COG5: variants seen among roughly 807,000 people sequenced by gnomAD.
COG5 encodes component of oligomeric golgi complex 5.
Under a neutral mutation model 110.4 loss-of-function variants are expected in COG5, and 86 were observed. That is an observed-to-expected ratio of 0.78 (90% CI 0.65 to 0.93). The LOEUF is 0.93. Ranked by LOEUF, COG5 falls within the 40% of genes least tolerant of loss-of-function variation. The pLI, the probability that COG5 is intolerant of heterozygous loss-of-function variation, is 0.00. For synonymous variants in COG5, 360 were observed against 334.6 expected, an observed-to-expected ratio of 1.08 and a Z score of -0.83; for missense variants, 1,077 against 987.0, an observed-to-expected ratio of 1.09 and a Z score of -1.22.
chr7:107,435,131 T>C (rs918172592), intron 6 of COG5, among the ~76,000 whole-genome samples: 1 of 152,054 alleles, frequency 6.6e-6, no homozygotes, highest in African/African-American at 2.4e-5. Flanking sequence ...GAAAGTAGAA[T>C]GGTGGTTGCC....
rs1486906596 is a variant in COG5, at chr7:107,203,335, ACT to A, written c.*179_*180del. On this transcript the variant is annotated 3_prime_UTR_variant, in exon 22 of 22. Coordinates refer to ENST00000297135, the MANE Select transcript of COG5 (RefSeq NM_006348.5). ...TCCATGGAATTGAAAGGTGGTGATA[ACT>A]CAACATTTTTTATGCTAAAGTATAA... 2.1e-5 allele frequency: 13 copies of A among 613,838 alleles called. No individual in the cohort carries two copies. The highest frequency in any genetic ancestry group is 1.5e-4 in the African/African-American group (8 of 54,220). 38.0% of individuals were successfully genotyped at this position (613,838 alleles called of 1,614,324 possible).
intron 6 of COG5, among the ~76,000 whole-genome samples, chr7:107,465,008 T>C (rs1483021522): frequency 2.0e-5 from 3 of 152,166 alleles, no homozygotes; most frequent in Non-Finnish European, 4.4e-5. Flanking sequence ...TAAAGGGTAG[T>C]TCTGTTAGGG....
rs1429412532 is a variant in COG5, at chr7:107,415,856, A to G, written c.539-3224T>C. On this transcript the variant is annotated intron_variant, in intron 6 of 21. Coordinates refer to ENST00000297135, the MANE Select transcript of COG5 (RefSeq NM_006348.5). Reference sequence around the variant, plus strand: ...TGTATGTGTGTGTATATATACACACACATACACGTATGTATGTATGTGTGT... The same window carrying G: ...TGTATGTGTGTGTATATATACACACGCATACACGTATGTATGTATGTGTGT... Among the ~76,000 whole-genome samples, 49 of 117,200 alleles carry G rather than the reference A, an allele frequency of 4.2e-4. 1 individual carries two copies. The highest frequency in any genetic ancestry group is 1.3e-3 in the African/African-American group (43 of 33,446). 76.9% of individuals were successfully genotyped at this position (117,200 alleles called of 152,430 possible). A position where few individuals can be genotyped will look rare whatever the true frequency, so the allele number is the denominator to read the frequency against.
Position 107,412,407 on chromosome 7 carries a change from T to C in COG5, c.669+95A>G. On this transcript the variant is annotated intron_variant, in intron 7 of 21. Coordinates refer to ENST00000297135, the MANE Select transcript of COG5 (RefSeq NM_006348.5). The stretch of plus-strand genomic sequence containing the variant: ...ACATACTTTCTCAGTGATATATTAC[T>C]ATAAGACATATATTACTTTTTTGAA... The C allele has an allele frequency of 6.0e-6, 7 of 1,173,936 alleles. No homozygotes were observed. The East Asian group carries it at 1.2e-4, about 20-fold the overall frequency. The allele number at this position is 1,173,936 out of a possible 1,614,324, so 72.7% of individuals were successfully genotyped here.
At chr7:107,337,981 T>C (rs949782840) in intron 10 of COG5, among the ~76,000 whole-genome samples, 12 of 152,120 alleles carry the variant, frequency 7.9e-5, no homozygotes, top group Non-Finnish European at 1.3e-4. Flanking sequence ...TTGAGAGGTA[T>C]TCCACTTCAG....
chr7:107,317,841 C>T (rs1204249175), intron 11 of COG5, among the ~76,000 whole-genome samples: 2 of 152,152 alleles, frequency 1.3e-5, no homozygotes, highest in African/African-American at 2.4e-5. Flanking sequence ...AATGAGCGGA[C>T]AAGGGCATTT....
At position 107,270,909 on chromosome 7, in the gene COG5, T is replaced by G. The variant is rs566253571; in HGVS notation, c.1575+10391A>C. On this transcript the variant is annotated intron_variant, in intron 14 of 21. Transcript: ENST00000297135. ...TTTTTTTTTTTTTTTTTTTTTTTTT[T>G]GTAGAGATGGGATCTCACTCAATTA... 9.3e-4 allele frequency among the ~76,000 whole-genome samples: 119 copies of G among 128,512 alleles called. 1 individual carries two copies. Among genetic ancestry groups the G allele is most frequent in the Middle Eastern group, 4.1e-3 (1 of 246 alleles). 84.3% of individuals were successfully genotyped at this position (128,512 alleles called of 152,430 possible). A position where few individuals can be genotyped will look rare whatever the true frequency, so the allele number is the denominator to read the frequency against.
intron 12 of COG5, among the ~76,000 whole-genome samples, chr7:107,287,726 G>A (rs1805761058): frequency 6.6e-6 from 1 of 152,060 alleles, no homozygotes; most frequent in Admixed American, 6.5e-5. Context: ...CATATGAATG[G>A]GATAATATAC....
At chr7:107,224,792 G>C (rs1413134773) in intron 19 of COG5, among the ~76,000 whole-genome samples, 1 of 152,242 alleles carries the variant, frequency 6.6e-6, no homozygotes, top group Non-Finnish European at 1.5e-5. Context: ...CGTGGGTCTT[G>C]TGTAGAAATA....
At chr7:107,334,943 A>G (rs1810580658) in intron 10 of COG5, among the ~76,000 whole-genome samples, 1 of 152,192 alleles carries the variant, frequency 6.6e-6, no homozygotes, top group Admixed American at 6.5e-5. Context: ...AAAAACAATA[A>G]TAGCTATAGC....
At chr7:107,228,828 G>A (rs957132536) in intron 19 of COG5, among the ~76,000 whole-genome samples, 5 of 149,036 alleles carry the variant, frequency 3.4e-5, no homozygotes, top group Admixed American at 6.7e-5. Context: ...TAAAATATAC[G>A]GATTCCCTCT....
chr7:107,435,277 G>C (rs901085817), intron 6 of COG5, among the ~76,000 whole-genome samples: 1 of 152,126 alleles, frequency 6.6e-6, no homozygotes, highest in Non-Finnish European at 1.5e-5. Context: ...AAATGACTAA[G>C]ATGGGAAATT....
chr7:107,505,034 G>A (rs1203924270), intron 6 of COG5, among the ~76,000 whole-genome samples: 2 of 152,178 alleles, frequency 1.3e-5, no homozygotes, highest in Non-Finnish European at 2.9e-5. Flanking sequence ...GCTGCTGGTT[G>A]TAGTAGCAAT....
chr7:107,283,618 A>T lies in COG5; in HGVS notation c.1428T>A (p.Asn476Lys). ...INLVFPPGGR[N>K]PPSSDELDGI... ...CATCAAGTTCATCAGAGGAAGGAGGATTACGACCACCCGGGGGAAAAACCA... is the reference window on the plus strand; with the variant it reads ...CATCAAGTTCATCAGAGGAAGGAGGTTTACGACCACCCGGGGGAAAAACCA... The change falls in exon 13 of 22, where the codon AAT (asparagine) becomes AAA (lysine). Residue 476 changes from asparagine (N) to lysine (K), a missense_variant. Coordinates refer to ENST00000297135, the MANE Select transcript of COG5 (RefSeq NM_006348.5). 6.2e-7 allele frequency: 1 copy of T among 1,614,074 alleles called. No homozygotes were observed.
At chr7:107,397,711 A>G (rs1791116030) in intron 7 of COG5, among the ~76,000 whole-genome samples, 1 of 152,222 alleles carries the variant, frequency 6.6e-6, no homozygotes, top group African/African-American at 2.4e-5. Context: ...TGCACAGTTG[A>G]TGAGTTAAAG....
intron 7 of COG5, among the ~76,000 whole-genome samples, chr7:107,380,003 T>C (rs531319393): frequency 8.5e-5 from 13 of 152,206 alleles, no homozygotes; most frequent in Non-Finnish European, 1.6e-4. Flanking sequence ...GCATTTATTC[T>C]AAAATTGACC....
intron 18 of COG5, among the ~76,000 whole-genome samples, chr7:107,236,081 T>C (rs150535215): frequency 8.5e-5 from 13 of 152,330 alleles, no homozygotes; most frequent in African/African-American, 3.1e-4. Context: ...TTTTCACTGT[T>C]TGAAATATGA....
At chr7:107,534,316 A>G (rs1801421819) in intron 5 of COG5, among the ~76,000 whole-genome samples, 1 of 151,676 alleles carries the variant, frequency 6.6e-6, no homozygotes, top group Non-Finnish European at 1.5e-5. Flanking sequence ...ACACATAACA[A>G]TATTAATCCT....
chr7:107,205,921 G>A (rs1584518819), intron 21 of COG5, among the ~76,000 whole-genome samples: 1 of 152,114 alleles, frequency 6.6e-6, no homozygotes, highest in East Asian at 1.9e-4. Context: ...GTATGCAGGG[G>A]GATGGGCAAG....
Sources: allele counts gnomAD v4.1 joint callset (sites outside exome capture counted in the v4.1 genomes callset), GRCh38; gene constraint gnomAD v4.1.1; transcripts MANE v1.5; gene names NCBI Gene and HGNC (gene_info 2026-07-23, HGNC 2026-07-21).